DPP6: variants seen among roughly 807,000 people sequenced by gnomAD.
The protein encoded by DPP6 is dipeptidyl peptidase like 6.
DPP6 carries 69 observed loss-of-function variants against 122.6 expected under a neutral mutation model. The ratio of observed to expected loss-of-function variants is 0.56; its 90% CI spans 0.46 to 0.69. The LOEUF is 0.69. Among genes scored for constraint, DPP6 ranks in the 30% least tolerant of loss-of-function variants. DPP6 has a pLI of 0.00. For synonymous variants in DPP6, 418 were observed against 433.1 expected (o/e 0.97, Z 0.43); for missense variants, 928 against 1,116.9 (o/e 0.83, Z 2.41).
intron 1 of DPP6, among the ~76,000 whole-genome samples, chr7:154,171,466 T>C (rs1233176988): frequency 6.6e-6 from 1 of 152,218 alleles, no homozygotes; most frequent in South Asian, 2.1e-4. Context: ...ATCTGCTCTG[T>C]TCTCAGCACC....
At chr7:154,557,322 G>A (rs73163098) in intron 4 of DPP6, among the ~76,000 whole-genome samples, 22,926 of 152,116 alleles carry the variant, frequency 0.15, 2,079 homozygotes, top group Non-Finnish European at 0.21. Context: ...CGGCAGCATC[G>A]TTAGCAATTG....
intron 1 of DPP6, among the ~76,000 whole-genome samples, chr7:154,218,558 G>C (rs1457363928): frequency 2.0e-5 from 3 of 152,116 alleles, no homozygotes; most frequent in Non-Finnish European, 4.4e-5. Flanking sequence ...GTATTTGATA[G>C]GCTCTTTGTG....
chr7:154,275,074 T>C (rs919225783), intron 1 of DPP6, among the ~76,000 whole-genome samples: 3 of 152,260 alleles, frequency 2.0e-5, no homozygotes, highest in Non-Finnish European at 4.4e-5. Flanking sequence ...CTGTGTCCTT[T>C]CATTGGCACT....
intron 1 of DPP6, among the ~76,000 whole-genome samples, chr7:154,301,978 C>T (rs565281834): frequency 1.6e-4 from 24 of 151,916 alleles, no homozygotes; most frequent in Non-Finnish European, 2.9e-4. Context: ...ACACCACGCC[C>T]GGCTAATTTT....
At chr7:154,140,384 A>C (rs1795785670) in intron 1 of DPP6, among the ~76,000 whole-genome samples, 1 of 152,200 alleles carries the variant, frequency 6.6e-6, no homozygotes, top group Admixed American at 6.5e-5. Context: ...CATGGGTAAC[A>C]CTTCACTATA....
chr7:154,812,604 G>T (rs1008224065), intron 16 of DPP6, among the ~76,000 whole-genome samples: 4 of 152,104 alleles, frequency 2.6e-5, no homozygotes, highest in African/African-American at 9.6e-5. Context: ...GTGCACTAAT[G>T]CCATTCCCAA....
At chr7:154,684,232 G>A (rs1049460611) in intron 7 of DPP6, among the ~76,000 whole-genome samples, 4 of 151,422 alleles carry the variant, frequency 2.6e-5, no homozygotes, top group African/African-American at 7.3e-5. Context: ...TTGGGCTTGA[G>A]ACCCCTCTGC....
chr7:154,057,208 C>T (rs1485372611), intron 1 of DPP6, among the ~76,000 whole-genome samples: 1 of 152,146 alleles, frequency 6.6e-6, no homozygotes, highest in African/African-American at 2.4e-5. Flanking sequence ...CAGCAACTGC[C>T]CAGCTAGTAC....
Position 154,242,381 on chromosome 7 carries a change from A to AGTGTGT in DPP6, c.243+189331_243+189336dup, listed in dbSNP as rs139152037. 3.5e-4 allele frequency among the ~76,000 whole-genome samples: 53 copies of AGTGTGT among 150,312 alleles called. No homozygotes were observed. The South Asian group carries it at 8.7e-3, about 25-fold the overall frequency. The stretch of plus-strand genomic sequence containing the variant: ...GTAACACTGACTTTAAGAGGCAATG[A>AGTGTGT]GTGTGTGTGTGTGTGTGTATGTGTG... On this transcript the variant is annotated intron_variant, in intron 1 of 25. Coordinates refer to ENST00000377770, the MANE Select transcript of DPP6 (RefSeq NM_130797.4).
chr7:153,759,396 G>A, the DPP6 span, among the ~76,000 whole-genome samples: 4 of 151,660 alleles, frequency 2.6e-5, no homozygotes, highest in Non-Finnish European at 2.9e-5. Context: ...TCGGCCCACT[G>A]CAACTTCCAC....
At position 154,589,126 on chromosome 7, in the gene DPP6, G is replaced by A. The variant is rs116506207; in HGVS notation, c.627+22210G>A. On this transcript the variant is annotated intron_variant, in intron 5 of 25. Coordinates refer to ENST00000377770, the MANE Select transcript of DPP6 (RefSeq NM_130797.4). ...CACCCTGCACAAGTATGCTTGTGAG[G>A]CATACTAATTCAATACCATTTGAGC... Among the ~76,000 whole-genome samples the A allele has an allele frequency of 5.2e-3, 795 of 152,282 alleles. 8 individuals are homozygous for A. Among genetic ancestry groups the A allele is most frequent in the African/African-American group, 0.018 (740 of 41,556 alleles).
At chr7:154,290,786 C>T (rs943660539) in intron 1 of DPP6, among the ~76,000 whole-genome samples, 2 of 152,110 alleles carry the variant, frequency 1.3e-5, no homozygotes, top group African/African-American at 4.8e-5. Flanking sequence ...ATCGCAGGTC[C>T]CTTGCTCTTC....
At chr7:153,846,687 C>CTT in the DPP6 span, among the ~76,000 whole-genome samples, 1,864 of 78,156 alleles carry the variant, frequency 0.024, 105 homozygotes, top group African/African-American at 0.053. Flanking sequence ...TGGCTTGGTT[C>CTT]TTTTTTTTTT....
chr7:153,965,661 C>T (rs1795666523), intron 1 of DPP6, among the ~76,000 whole-genome samples: 1 of 152,010 alleles, frequency 6.6e-6, no homozygotes, highest in South Asian at 2.1e-4. Flanking sequence ...TACAGGCGCC[C>T]ACCACCACGC....
chr7:153,855,265 A>T, the DPP6 span, among the ~76,000 whole-genome samples: 1 of 145,124 alleles, frequency 6.9e-6, no homozygotes, highest in Middle Eastern at 3.5e-3. Context: ...TAAAAATAAT[A>T]CCTATAAAAA....
intron 2 of DPP6, 128 bp from the exon 3 acceptor site, chr7:154,474,811 C>A: frequency 1.5e-6 from 1 of 654,238 alleles, no homozygotes; most frequent in Non-Finnish European, 2.6e-6. Context: ...CTTTTATCCC[C>A]ATTCACTTAT....
At chr7:154,427,037 A>G (rs181803732) in intron 1 of DPP6, among the ~76,000 whole-genome samples, 36 of 152,204 alleles carry the variant, frequency 2.4e-4, no homozygotes, top group Admixed American at 1.9e-3. Flanking sequence ...ATCAGAAATA[A>G]TTTTGGTGAG....
At chr7:154,016,399 A>AT (rs201285127) in intron 1 of DPP6, among the ~76,000 whole-genome samples, 36,664 of 144,072 alleles carry the variant, frequency 0.25, 4,857 homozygotes, top group East Asian at 0.56. Flanking sequence ...AAGTAGGTTT[A>AT]TTTTTTTTTT....
intron 1 of DPP6, among the ~76,000 whole-genome samples, chr7:154,239,505 G>A (rs79895742): frequency 0.11 from 16,594 of 152,010 alleles, 1,349 homozygotes; most frequent in African/African-American, 0.22. Context: ...TCTTCCTTAG[G>A]ATTTTTTAAT....
Sources: gnomAD v4.1 joint callset for allele counts (sites outside exome capture counted in the v4.1 genomes callset) on GRCh38, gnomAD v4.1.1 for gene constraint, MANE v1.5 for transcripts, NCBI Gene and HGNC (gene_info 2026-07-23, HGNC 2026-07-21) for gene names.